The following NRG1 variants were observed in gnomAD, a reference collection of about 807,000 sequenced individuals.
NRG1 encodes the protein pro-neuregulin-1, membrane-bound isoform.
NRG1 carries 18 observed loss-of-function variants against 63.8 expected under a neutral mutation model. The ratio of observed to expected loss-of-function variants is 0.28; its 90% CI spans 0.19 to 0.42. The LOEUF is 0.42. Ranked by LOEUF, NRG1 falls within the 10% of genes least tolerant of loss-of-function variation. The pLI is 1.00. For missense variants in NRG1, 762 were observed against 814.7 expected (o/e 0.94, Z 0.79); for synonymous variants, 302 against 301.3 (o/e 1.00, Z -0.02).
intron 2 of NRG1, among the ~76,000 whole-genome samples, chr8:32,602,336 T>A (rs1231602002): frequency 6.6e-6 from 1 of 152,156 alleles, no homozygotes; most frequent in Non-Finnish European, 1.5e-5. Flanking sequence ...CAAGGCCTAT[T>A]AGGAGAAGTT....
At chr8:32,233,128 G>T (rs1239726735) in intron 1 of NRG1, among the ~76,000 whole-genome samples, 1 of 151,998 alleles carries the variant, frequency 6.6e-6, no homozygotes, top group East Asian at 1.9e-4. Flanking sequence ...TGGAGACAGG[G>T]TCTCACTCTG....
intron 1 of NRG1, among the ~76,000 whole-genome samples, chr8:31,681,258 A>G (rs771527658): frequency 2.6e-5 from 4 of 152,188 alleles, no homozygotes; most frequent in Non-Finnish European, 5.9e-5. Flanking sequence ...TAAAAACAAG[A>G]TACAAAAAGC....
chr8:31,994,398 A>G (rs1811575541), intron 1 of NRG1, among the ~76,000 whole-genome samples: 1 of 151,916 alleles, frequency 6.6e-6, no homozygotes, highest in African/African-American at 2.4e-5. Flanking sequence ...CATACCTGCA[A>G]TTCCAGCACT....
At chr8:31,802,201 A>G (rs1321549024) in intron 1 of NRG1, among the ~76,000 whole-genome samples, 1 of 152,208 alleles carries the variant, frequency 6.6e-6, no homozygotes, top group African/African-American at 2.4e-5. Context: ...TTTTCGGAAA[A>G]TATTTTTAAA....
At chr8:31,652,351 T>C (rs1804938778) in intron 1 of NRG1, among the ~76,000 whole-genome samples, 1 of 152,234 alleles carries the variant, frequency 6.6e-6, no homozygotes, top group Non-Finnish European at 1.5e-5. Context: ...CCTTCTCACA[T>C]CCATTTTCTA....
chr8:31,891,219 C>T (rs2129613950), intron 1 of NRG1, among the ~76,000 whole-genome samples: 1 of 152,164 alleles, frequency 6.6e-6, no homozygotes, highest in African/African-American at 2.4e-5. Flanking sequence ...AGACAAGCTA[C>T]AGATTGGGAG....
chr8:32,743,042 A>G (rs913710266), intron 7 of NRG1: 1 of 1,144,390 alleles, frequency 8.7e-7, no homozygotes, highest in African/African-American at 1.6e-5. Context: ...TAATAAAGGC[A>G]TTTCAAAGTC....
rs79843443 is a variant in NRG1, at chr8:32,456,000, T to C, written c.38-139828T>C. ...GTTTTCACCATGGTGGCCACGATGG[T>C]CTGGAACTCTTGACTTCAAGTGATC... On this transcript the variant is annotated intron_variant, in intron 1 of 10. Coordinates refer to the NRG1 transcript ENST00000519301. Among the ~76,000 whole-genome samples, 36 of 152,310 alleles carry C rather than the reference T, an allele frequency of 2.4e-4. No homozygotes were observed. The East Asian group carries it at 5.4e-3, about 23-fold the overall frequency.
intron 1 of NRG1, among the ~76,000 whole-genome samples, chr8:32,141,592 G>GTATATATATATATATATATA (rs59251868): frequency 1.4e-5 from 1 of 71,790 alleles, no homozygotes; most frequent in Non-Finnish European, 2.8e-5. Context: ...ATGTGTGTGG[G>GTATATATATATATATATATA]TATATATATA....
intron 1 of NRG1, among the ~76,000 whole-genome samples, chr8:32,034,931 G>A (rs551584123): frequency 5.4e-5 from 8 of 149,070 alleles, no homozygotes; most frequent in African/African-American, 1.0e-4. Context: ...AAGGTTTTTT[G>A]TGTCTTTATT....
At chr8:32,380,482 C>A (rs1040259625) in intron 1 of NRG1, among the ~76,000 whole-genome samples, 1 of 152,044 alleles carries the variant, frequency 6.6e-6, no homozygotes, top group African/African-American at 2.4e-5. Context: ...CAGACTTGAC[C>A]ACCCAACACC....
At position 32,388,978 on chromosome 8, in the gene NRG1, T is replaced by C. The variant is rs548061163; in HGVS notation, c.38-206850T>C. 4.6e-5 allele frequency among the ~76,000 whole-genome samples: 7 copies of C among 152,358 alleles called. No individual in the cohort carries two copies. In the East Asian group the frequency reaches 1.4e-3, roughly 29 times the overall value. ...TAATGCCACCTGCTTTAAAAATTCATATTAGGAAATAGCCACATTTTGACC... is the reference window on the plus strand; with the variant it reads ...TAATGCCACCTGCTTTAAAAATTCACATTAGGAAATAGCCACATTTTGACC... On this transcript the variant is annotated intron_variant, in intron 1 of 10. Coordinates refer to the NRG1 transcript ENST00000519301.
chr8:32,165,136 C>A (rs886970256), intron 1 of NRG1, among the ~76,000 whole-genome samples: 3 of 151,772 alleles, frequency 2.0e-5, no homozygotes, highest in African/African-American at 4.8e-5. Flanking sequence ...AAGATATTGC[C>A]CTTATTTTTT....
At chr8:32,179,311 C>T (rs971173458) in intron 1 of NRG1, among the ~76,000 whole-genome samples, 4 of 151,734 alleles carry the variant, frequency 2.6e-5, no homozygotes, top group Admixed American at 1.3e-4. Flanking sequence ...AAAGACGCTT[C>T]ACCTCCCTGA....
intron 1 of NRG1, among the ~76,000 whole-genome samples, chr8:32,450,432 A>T (rs1316313329): frequency 1.3e-5 from 2 of 151,944 alleles, no homozygotes; most frequent in African/African-American, 4.8e-5. Flanking sequence ...GAAAAAAAAA[A>T]TTGAGACAGG....
At chr8:31,667,827 T>C (rs1452366523) in intron 1 of NRG1, among the ~76,000 whole-genome samples, 1 of 152,160 alleles carries the variant, frequency 6.6e-6, no homozygotes, top group Non-Finnish European at 1.5e-5. Context: ...AATTAAGCAA[T>C]GATAAGACAC....
At chr8:32,463,035 A>G (rs1338322783) in intron 1 of NRG1, among the ~76,000 whole-genome samples, 1 of 148,404 alleles carries the variant, frequency 6.7e-6, no homozygotes, top group Non-Finnish European at 1.5e-5. Flanking sequence ...TTTTTTTAAG[A>G]TTCTACATGT....
chr8:32,570,239 A>G (rs2129528555), intron 1 of NRG1, among the ~76,000 whole-genome samples: 1 of 152,176 alleles, frequency 6.6e-6, no homozygotes, highest in Non-Finnish European at 1.5e-5. Flanking sequence ...TTTCTATATA[A>G]CATGCATGTT....
chr8:32,559,251 A>C lies in NRG1; in HGVS notation c.100+10425A>C, dbSNP rs868475893. Among the ~76,000 whole-genome samples the C allele has an allele frequency of 6.9e-3, 1,031 of 150,136 alleles. 18 individuals carry two copies. The highest frequency in any genetic ancestry group is 0.023 in the African/African-American group (952 of 41,134). On this transcript the variant is annotated intron_variant, in intron 1 of 11. Coordinates refer to ENST00000356819, the Ensembl canonical transcript of NRG1. ...GTCATCTCACTCTAAAATGTAAAAA[A>C]AAAAAAAAAAAATCACTACTCAGAC...
Sources: allele counts gnomAD v4.1 joint callset (sites outside exome capture counted in the v4.1 genomes callset), GRCh38; gene constraint gnomAD v4.1.1; transcripts MANE v1.5; gene names NCBI Gene and HGNC (gene_info 2026-07-23, HGNC 2026-07-21).